Variants in NR3C2 observed in about 807,000 individuals in gnomAD.
NR3C2 encodes the protein mineralocorticoid receptor.
In NR3C2, 15 loss-of-function variants were observed where a neutral mutation model predicts 86.4. That is an observed-to-expected ratio of 0.17 (90% CI 0.12 to 0.27). NR3C2 has a LOEUF of 0.27. NR3C2 is among the 10% of genes least tolerant of loss of function. The pLI is 1.00. For synonymous variants in NR3C2, 458 were observed against 450.5 expected (o/e 1.02, Z -0.21); for missense variants, 960 against 1,195.6 (o/e 0.80, Z 2.91).
At chr4:148,197,900 T>C (rs1307546597) in intron 3 of NR3C2, among the ~76,000 whole-genome samples, 1 of 152,150 alleles carries the variant, frequency 6.6e-6, no homozygotes, top group Non-Finnish European at 1.5e-5. Flanking sequence ...CCAAAATCTG[T>C]CCAGTAGGAC....
chr4:148,289,211 T>C (rs924054428), intron 2 of NR3C2, among the ~76,000 whole-genome samples: 2 of 148,904 alleles, frequency 1.3e-5, no homozygotes, highest in African/African-American at 4.9e-5. Flanking sequence ...ACAAGATGAC[T>C]ACTGAAATAT....
At chr4:148,249,370 T>C (rs1436751194) in intron 3 of NR3C2, among the ~76,000 whole-genome samples, 1 of 152,190 alleles carries the variant, frequency 6.6e-6, no homozygotes, top group Non-Finnish European at 1.5e-5. Flanking sequence ...GAGCCTGTAC[T>C]AGATCTAGAA....
chr4:148,404,453 A>C (rs1469050694), intron 2 of NR3C2, among the ~76,000 whole-genome samples: 1 of 152,076 alleles, frequency 6.6e-6, no homozygotes, highest in African/African-American at 2.4e-5. Flanking sequence ...CAGAGTCTTT[A>C]TTGTGTTGTT....
chr4:148,358,220 C>A (rs1440082445), intron 2 of NR3C2, among the ~76,000 whole-genome samples: 2 of 152,048 alleles, frequency 1.3e-5, no homozygotes, highest in South Asian at 4.1e-4. Flanking sequence ...TGGAACCAAC[C>A]CAAATGTCCA....
chr4:148,086,881 C>G (rs190030492), intron 8 of NR3C2, among the ~76,000 whole-genome samples: 1 of 152,332 alleles, frequency 6.6e-6, no homozygotes, highest in African/African-American at 2.4e-5. Context: ...TACAAGGATG[C>G]CCTCTCTCAC....
At chr4:148,193,391 G>A (rs1736295098) in intron 4 of NR3C2, among the ~76,000 whole-genome samples, 1 of 152,194 alleles carries the variant, frequency 6.6e-6, no homozygotes, top group Admixed American at 6.5e-5. Flanking sequence ...GTCCTCTCGG[G>A]ATTGCTGGTT....
At chr4:148,326,389 A>T (rs1389889783) in intron 2 of NR3C2, among the ~76,000 whole-genome samples, 2 of 152,130 alleles carry the variant, frequency 1.3e-5, no homozygotes, top group Non-Finnish European at 2.9e-5. Flanking sequence ...CGACAGAGCG[A>T]GACTCCATCT....
intron 6 of NR3C2, among the ~76,000 whole-genome samples, chr4:148,141,276 T>A (rs991886393): frequency 6.6e-6 from 1 of 152,050 alleles, no homozygotes. Context: ...CTACTAAAAA[T>A]ACAAAAAATT....
chr4:148,176,076 G>A (rs1453381966), intron 4 of NR3C2, among the ~76,000 whole-genome samples: 1 of 152,182 alleles, frequency 6.6e-6, no homozygotes, highest in Non-Finnish European at 1.5e-5. Context: ...TTTCTGGGGG[G>A]AAACAGTAAT....
chr4:148,425,159 G>C (rs1214234110), intron 2 of NR3C2, among the ~76,000 whole-genome samples: 2 of 152,148 alleles, frequency 1.3e-5, no homozygotes, highest in Non-Finnish European at 2.9e-5. Flanking sequence ...AGTCATGCCA[G>C]ATATATACCC....
intron 2 of NR3C2, among the ~76,000 whole-genome samples, chr4:148,393,262 T>C (rs542364231): frequency 2.0e-4 from 31 of 152,340 alleles, no homozygotes; most frequent in African/African-American, 7.5e-4. Context: ...TTTTCAATGA[T>C]TCACACTAGT....
At chr4:148,199,169 C>T (rs1736591831) in intron 3 of NR3C2, among the ~76,000 whole-genome samples, 1 of 151,708 alleles carries the variant, frequency 6.6e-6, no homozygotes, top group African/African-American at 2.4e-5. Flanking sequence ...AAAGAGCGTC[C>T]TGTGGGAGCA....
At position 148,436,089 on chromosome 4, in the gene NR3C2, C is replaced by A; in HGVS notation, c.772G>T (p.Gly258Cys). ...SHSPAHASNVGSPLSSPLSSM... is the reference protein window; with the variant it reads ...SHSPAHASNVCSPLSSPLSSM... ...CTTAACGGACTTGAGAGAGGAGAGCCCACATTGCTAGCATGTGCAGGGCTG... is the reference window on the plus strand; with the variant it reads ...CTTAACGGACTTGAGAGAGGAGAGCACACATTGCTAGCATGTGCAGGGCTG... Residue 258 changes from glycine (G) to cysteine (C), a missense_variant, in exon 2 of 9, where the codon GGC becomes TGC. Gly to Cys is a radical substitution (Grantham distance 159). Around this residue, in one of 4 missense-constraint regions of NR3C2, gnomAD observed 680 missense variants for 719.0 expected, o/e 0.95. Coordinates refer to ENST00000358102, the MANE Select transcript of NR3C2 (RefSeq NM_000901.5). The A allele has an allele frequency of 1.2e-6, 2 of 1,614,030 alleles. No homozygotes were observed. The highest frequency in any genetic ancestry group is 1.7e-6 in the Non-Finnish European group (2 of 1,179,988).
Position 148,390,884 on chromosome 4 carries a change from G to A in NR3C2, c.1757+44220C>T, listed in dbSNP as rs528759080. Among the ~76,000 whole-genome samples the A allele has an allele frequency of 3.9e-5, 6 of 152,090 alleles. No homozygotes were observed. In the South Asian group the frequency reaches 1.2e-3, roughly 32 times the overall value. Reference sequence around the variant, plus strand: ...TGAAGTCGGGAATTTATTTTATCTGGTACACCACAGTAATTTGCTATAAAG... The same window carrying A: ...TGAAGTCGGGAATTTATTTTATCTGATACACCACAGTAATTTGCTATAAAG... On this transcript the variant is annotated intron_variant, in intron 2 of 8. Transcript: ENST00000358102.
intron 3 of NR3C2, among the ~76,000 whole-genome samples, chr4:148,253,847 T>A (rs1286224426): frequency 6.6e-6 from 1 of 152,174 alleles, no homozygotes; most frequent in Non-Finnish European, 1.5e-5. Flanking sequence ...GGGATCGTTG[T>A]CCAAGATGTC....
At chr4:148,424,177 T>C (rs531952841) in intron 2 of NR3C2, among the ~76,000 whole-genome samples, 5 of 152,260 alleles carry the variant, frequency 3.3e-5, no homozygotes, top group Non-Finnish European at 7.4e-5. Context: ...GAATGGCAAA[T>C]AAGCACATGA....
At chr4:148,271,687 C>T (rs897329837) in intron 2 of NR3C2, among the ~76,000 whole-genome samples, 6 of 152,118 alleles carry the variant, frequency 3.9e-5, no homozygotes, top group African/African-American at 1.4e-4. Flanking sequence ...GCATCCTCCT[C>T]TCATATATAT....
At chr4:148,338,052 G>A (rs568849557) in intron 2 of NR3C2, among the ~76,000 whole-genome samples, 1 of 152,032 alleles carries the variant, frequency 6.6e-6, no homozygotes, top group Non-Finnish European at 1.5e-5. Flanking sequence ...TAAATAAAAC[G>A]GGTCTCATTA....
chr4:148,152,581 T>A lies in NR3C2; in HGVS notation c.2398A>T (p.Thr800Ser), dbSNP rs771572444. 2 of 1,614,082 alleles carry A rather than the reference T, an allele frequency of 1.2e-6. No individual in the cohort carries two copies. Among genetic ancestry groups the A allele is most frequent in the Non-Finnish European group, 1.7e-6 (2 of 1,179,942 alleles). ...FKNLPLEDQI[T>S]LIQYSWMCLS... The stretch of plus-strand genomic sequence containing the variant: ...CACATCCAAGAATACTGGATTAGGG[T>A]AATTTGGTCCTCAAGAGGCAAGTTT... The change falls in exon 6 of 9, where the codon ACC becomes TCC. Residue 800 changes from threonine to serine, a missense_variant. Thr to Ser is a moderately conservative substitution (Grantham distance 58). This residue lies in a region of NR3C2 where 151 missense variants were observed against 296.3 expected (regional missense o/e 0.51). Coordinates refer to ENST00000358102, the MANE Select transcript of NR3C2 (RefSeq NM_000901.5).
Sources: gnomAD v4.1 joint callset for allele counts (sites outside exome capture counted in the v4.1 genomes callset) on GRCh38, gnomAD v4.1.1 for gene constraint, gnomAD v4.1.1 regional missense constraint, MANE v1.5 for transcripts, NCBI Gene and HGNC (gene_info 2026-07-23, HGNC 2026-07-21) for gene names.